CTNNA2: variants seen among roughly 807,000 people sequenced by gnomAD.
CTNNA2 encodes the protein catenin alpha-2.
Under a neutral mutation model 101.0 loss-of-function variants are expected in CTNNA2, and 42 were observed. The observed-to-expected ratio is 0.42, with a 90% CI of 0.32 to 0.54. The LOEUF (loss-of-function observed/expected upper bound fraction) is 0.54. Ranked by LOEUF, CTNNA2 falls within the 20% of genes least tolerant of loss-of-function variation. The pLI, the probability that CTNNA2 is intolerant of heterozygous loss-of-function variation, is 0.14. For missense variants in CTNNA2, 871 were observed against 1,223.1 expected (o/e 0.71, Z 4.29); for synonymous variants, 450 against 456.4 (o/e 0.99, Z 0.18).
At chr2:79,468,326 TA>T (rs1168378782) in intron 4 of CTNNA2, among the ~76,000 whole-genome samples, 12 of 152,144 alleles carry the variant, frequency 7.9e-5, no homozygotes, top group African/African-American at 2.9e-4. Flanking sequence ...CAAGAAGAGC[TA>T]ACTATCCGAA....
chr2:79,545,543 A>G (rs1160189646), intron 1 of CTNNA2, among the ~76,000 whole-genome samples: 1 of 152,240 alleles, frequency 6.6e-6, no homozygotes, highest in Non-Finnish European at 1.5e-5. Context: ...TCCTAATTAC[A>G]TCAAACACTT....
chr2:79,586,281 G>A (rs1676480786), intron 1 of CTNNA2, among the ~76,000 whole-genome samples: 1 of 152,068 alleles, frequency 6.6e-6, no homozygotes, highest in South Asian at 2.1e-4. Context: ...TCTGTCAAGA[G>A]TGTCACCTCC....
chr2:80,404,105 A>G (rs1678831730), intron 8 of CTNNA2, among the ~76,000 whole-genome samples: 1 of 152,194 alleles, frequency 6.6e-6, no homozygotes, highest in African/African-American at 2.4e-5. Flanking sequence ...TTTTGGTATC[A>G]GGATGATGCT....
At chr2:79,508,667 A>G (rs1671464132), upstream of CTNNA2, among the ~76,000 whole-genome samples, 1 of 152,062 alleles carries the variant, frequency 6.6e-6, no homozygotes, top group Admixed American at 6.6e-5. Flanking sequence ...ATACAGCTCT[A>G]TTTATGGACA....
At chr2:79,535,885 C>T (rs1047994315) in intron 1 of CTNNA2, among the ~76,000 whole-genome samples, 1 of 152,042 alleles carries the variant, frequency 6.6e-6, no homozygotes, top group African/African-American at 2.4e-5. Flanking sequence ...AAATGCCAGC[C>T]CAATTACCAT....
At chr2:80,639,089 G>A (rs1019368087) in intron 18 of CTNNA2, among the ~76,000 whole-genome samples, 1 of 152,168 alleles carries the variant, frequency 6.6e-6, no homozygotes, top group Non-Finnish European at 1.5e-5. Context: ...ACTACTTAGA[G>A]CTGTAAAATA....
intron 7 of CTNNA2, among the ~76,000 whole-genome samples, chr2:80,264,466 A>G (rs1279374822): frequency 1.3e-5 from 2 of 152,086 alleles, no homozygotes; most frequent in Non-Finnish European, 2.9e-5. Flanking sequence ...TTCATGCCCA[A>G]TATTCATATA....
At chr2:79,428,152 T>A (rs1334040621) in intron 4 of CTNNA2, among the ~76,000 whole-genome samples, 1 of 151,744 alleles carries the variant, frequency 6.6e-6, no homozygotes, top group African/African-American at 2.4e-5. Flanking sequence ...TCATTTTAAG[T>A]CAGTCTCTTC....
At chr2:79,851,083 C>A (rs529154592) in intron 3 of CTNNA2, among the ~76,000 whole-genome samples, 10 of 152,330 alleles carry the variant, frequency 6.6e-5, no homozygotes, top group Admixed American at 4.6e-4. Context: ...TTATCCAACT[C>A]TGCCTGATTC....
At chr2:79,533,405 A>T (rs918757555) in intron 1 of CTNNA2, among the ~76,000 whole-genome samples, 2 of 152,180 alleles carry the variant, frequency 1.3e-5, no homozygotes, top group African/African-American at 4.8e-5. Flanking sequence ...GTTTTAAAAC[A>T]TGAAGTGAAT....
At chr2:79,365,680 A>G (rs141199311) in intron 3 of CTNNA2, among the ~76,000 whole-genome samples, 39 of 151,586 alleles carry the variant, frequency 2.6e-4, no homozygotes, top group Non-Finnish European at 5.4e-4. Context: ...GGACATGACA[A>G]GATGATTCCA....
chr2:79,784,047 A>G (rs1325741329), intron 3 of CTNNA2, among the ~76,000 whole-genome samples: 3 of 152,198 alleles, frequency 2.0e-5, no homozygotes, highest in Non-Finnish European at 4.4e-5. Context: ...TCATATTGAA[A>G]TAAGTGACTA....
At chr2:79,918,942 A>G (rs1686459104) in intron 7 of CTNNA2, among the ~76,000 whole-genome samples, 1 of 152,322 alleles carries the variant, frequency 6.6e-6, no homozygotes, top group South Asian at 2.1e-4. Context: ...TATTTCAAAG[A>G]AATTGAAGAG....
chr2:80,411,343 G>GT (rs1679555519), intron 8 of CTNNA2, among the ~76,000 whole-genome samples: 2 of 152,140 alleles, frequency 1.3e-5, no homozygotes, highest in Non-Finnish European at 1.5e-5. Context: ...TATCGAGCAG[G>GT]TCTCTTTCTA....
chr2:80,326,360 G>A (rs911896702), intron 7 of CTNNA2, among the ~76,000 whole-genome samples: 3 of 152,148 alleles, frequency 2.0e-5, no homozygotes. Flanking sequence ...TAGCTTTGCT[G>A]TTGCAAATAG....
chr2:79,367,323 T>C (rs1332578712), intron 3 of CTNNA2, among the ~76,000 whole-genome samples: 1 of 152,150 alleles, frequency 6.6e-6, no homozygotes, highest in Non-Finnish European at 1.5e-5. Flanking sequence ...TGCAATATTT[T>C]GTTATAGTAG....
intron 2 of CTNNA2, among the ~76,000 whole-genome samples, chr2:79,302,054 C>A: frequency 6.6e-6 from 1 of 152,048 alleles, no homozygotes; most frequent in East Asian, 1.9e-4. Context: ...GGCTGCACAA[C>A]TGCACTTCAG....
intron 7 of CTNNA2, among the ~76,000 whole-genome samples, chr2:79,932,734 T>C (rs1687532655): frequency 6.6e-6 from 1 of 152,218 alleles, no homozygotes; most frequent in African/African-American, 2.4e-5. Flanking sequence ...CTATTTTTAA[T>C]TGAATATTGA....
chr2:79,848,421 A>G (rs1434116), intron 3 of CTNNA2, among the ~76,000 whole-genome samples: 2,723 of 152,258 alleles, frequency 0.018, 86 homozygotes, highest in African/African-American at 0.062. Flanking sequence ...TCACCTTTTT[A>G]TGGAATGTGG....
Sources: gnomAD v4.1 joint callset for allele counts (sites outside exome capture counted in the v4.1 genomes callset) on GRCh38, gnomAD v4.1.1 for gene constraint, MANE v1.5 for transcripts, NCBI Gene and HGNC (gene_info 2026-07-23, HGNC 2026-07-21) for gene names.